The following ZNF185 variants were observed in gnomAD, a reference collection of about 807,000 sequenced individuals.
ZNF185 encodes zinc finger protein 185.
A neutral mutation model predicts 58.6 loss-of-function variants in ZNF185; 56 were observed. The observed-to-expected ratio is 0.95, with a 90% confidence interval of 0.77 to 1.19. ZNF185 has a LOEUF of 1.19. Among genes scored for constraint, ZNF185 ranks in the 50% most tolerant of loss-of-function variants. The pLI, the probability that ZNF185 is intolerant of heterozygous loss-of-function variation, is 0.00. For synonymous variants in ZNF185, 230 were observed against 215.9 expected (o/e 1.07, Z -0.57); for missense variants, 627 against 573.5 (o/e 1.09, Z -0.95).
At chrX:152,920,857 G>A (rs1348903701) in intron 9 of ZNF185, 109 bp downstream of exon 10, 2 of 961,874 alleles carry the variant, frequency 2.1e-6, no homozygotes, top group East Asian at 3.1e-5. Context: ...GGATGTGGGG[G>A]ACTACTGTCC....
intron 16 of ZNF185, among the ~76,000 whole-genome samples, chrX:152,955,916 AAT>A (rs2048776821): frequency 2.7e-5 from 3 of 109,864 alleles, no homozygotes; most frequent in African/African-American, 6.8e-5. Context: ...AAAAAAAAAA[AAT>A]ATTTCCCCTT....
At chrX:152,907,431 G>A in the ZNF185 span, among the ~76,000 whole-genome samples, 1 of 113,232 alleles carries the variant, frequency 8.8e-6, no homozygotes, top group Non-Finnish European at 1.9e-5. Flanking sequence ...ACAGAGGCAG[G>A]GAGAAAGGTA....
intron 17 of ZNF185, among the ~76,000 whole-genome samples, chrX:152,961,945 C>T (rs1186966896): frequency 8.9e-6 from 1 of 111,790 alleles, no homozygotes; most frequent in African/African-American, 3.3e-5. Context: ...TCCATACTGC[C>T]CCTCCATTTG....
the ZNF185 span, among the ~76,000 whole-genome samples, chrX:152,902,200 G>A: frequency 8.9e-6 from 1 of 112,967 alleles, no homozygotes; most frequent in Admixed American, 9.3e-5. Flanking sequence ...TCAGAGAGGA[G>A]ACATAGCCTC....
At chrX:152,968,110 A>G (rs1359438653) in intron 20 of ZNF185, among the ~76,000 whole-genome samples, 1 of 112,357 alleles carries the variant, frequency 8.9e-6, no homozygotes, top group Admixed American at 9.4e-5. Context: ...AGAGGCAAAC[A>G]TATAGGAGCA....
intron 14 of ZNF185, 148 bp downstream of exon 16, chrX:152,936,661 A>C (rs1270503220): frequency 2.1e-5 from 10 of 480,355 alleles, no homozygotes; most frequent in South Asian, 1.4e-4. Context: ...AAGACAGGGA[A>C]CTCCAGGGGG....
chrX:152,958,381 A>C (rs1171997599), intron 16 of ZNF185, among the ~76,000 whole-genome samples: 5 of 111,347 alleles, frequency 4.5e-5, no homozygotes, highest in African/African-American at 1.6e-4. Context: ...ATCAGGTTGA[A>C]CTGCAGCAGG....
At chrX:152,902,223 G>T in the ZNF185 span, among the ~76,000 whole-genome samples, 1 of 112,999 alleles carries the variant, frequency 8.8e-6, no homozygotes, top group Non-Finnish European at 1.9e-5. Flanking sequence ...GGGCCAGTGG[G>T]CAAGCCCTAG....
At chrX:152,918,855 A>G in intron 6 of ZNF185, 128 bp from the exon 8 acceptor site, 1 of 478,125 alleles carries the variant, frequency 2.1e-6, no homozygotes, top group South Asian at 3.3e-5. Context: ...TCAGGGAGGA[A>G]CAAGTGGCAT....
rs180938168 is a variant in ZNF185, at chrX:152,947,778, C to T, written c.1409+2314C>T. 2.5e-3 allele frequency among the ~76,000 whole-genome samples: 280 copies of T among 112,201 alleles called. 2 individuals carry two copies. Among genetic ancestry groups the T allele is most frequent in the Middle Eastern group, 4.6e-3 (1 of 217 alleles). On this transcript the variant is annotated intron_variant, in intron 16 of 22. Coordinates refer to ENST00000449285, the Ensembl canonical transcript of ZNF185. The stretch of plus-strand genomic sequence containing the variant: ...ATTCTCGGCTTTTCTCTGCAGACTT[C>T]CAGGGACAGTTGTCCAGCCAGGCCC...
upstream of ZNF185, chrX:152,914,359 G>T: frequency 5.0e-6 from 3 of 596,396 alleles, no homozygotes; most frequent in Non-Finnish European, 7.8e-6. Context: ...CAGTCTGGAT[G>T]ATCTTGGTGT....
At chrX:152,973,323 C>T (rs1488273772) in exon 23 of ZNF185, 2 of 112,478 alleles carry the variant, frequency 1.8e-5, no homozygotes, top group African/African-American at 6.5e-5. Context: ...AGATCCAAAA[C>T]AGCCTCTCTC....
intron 16 of ZNF185, among the ~76,000 whole-genome samples, chrX:152,955,718 A>G (rs781799348): frequency 2.7e-5 from 3 of 111,526 alleles, no homozygotes; most frequent in Non-Finnish European, 5.6e-5. Context: ...CATGGCCAAC[A>G]TGGTGAAACC....
At chrX:152,957,963 C>T (rs1361765785) in intron 16 of ZNF185, among the ~76,000 whole-genome samples, 2 of 112,346 alleles carry the variant, frequency 1.8e-5, no homozygotes, top group Non-Finnish European at 3.8e-5. Context: ...TGCCAGGCTT[C>T]TGGGCTCCCT....
At chrX:152,922,361 C>A in intron 10 of ZNF185, 105 bp downstream of exon 11, 1 of 772,394 alleles carries the variant, frequency 1.3e-6, no homozygotes, top group Non-Finnish European at 1.9e-6. Flanking sequence ...GCTTCGAGAT[C>A]AGTGTCCCCA....
chrX:152,916,820 C>T (rs1230086943), intron 3 of ZNF185, among the ~76,000 whole-genome samples: 1 of 112,747 alleles, frequency 8.9e-6, no homozygotes, highest in Non-Finnish European at 1.9e-5. Flanking sequence ...GCTCCGTCGG[C>T]GCAGCACTGG....
At chrX:152,966,569 A>T (rs1216675887) in intron 19 of ZNF185, among the ~76,000 whole-genome samples, 1 of 111,324 alleles carries the variant, frequency 9.0e-6, no homozygotes, top group African/African-American at 3.3e-5. Flanking sequence ...TTCGGACAAG[A>T]TGTTCAACCT....
chrX:152,931,629 G>T (rs1556877301), intron 12 of ZNF185, 43 bp from the exon 14 acceptor site: 9 of 1,121,780 alleles, frequency 8.0e-6, no homozygotes, highest in Non-Finnish European at 8.5e-6. Flanking sequence ...ACCTGAGTGT[G>T]AATGGCTGCT....
intron 16 of ZNF185, among the ~76,000 whole-genome samples, chrX:152,958,750 G>T (rs1192225323): frequency 9.0e-6 from 1 of 111,167 alleles, no homozygotes; most frequent in African/African-American, 3.3e-5. Context: ...AAAAAGGGGG[G>T]CAGGGGATGA....
Sources: gnomAD v4.1 joint callset for allele counts (sites outside exome capture counted in the v4.1 genomes callset) on GRCh38, gnomAD v4.1.1 for gene constraint, MANE v1.5 for transcripts, NCBI Gene and HGNC (gene_info 2026-07-23, HGNC 2026-07-21) for gene names.